The following FGF13 variants were observed in gnomAD, a reference collection of about 807,000 sequenced individuals.
The protein encoded by FGF13 is fibroblast growth factor homologous factor 2.
Under a neutral mutation model 19.5 loss-of-function variants are expected in FGF13, and 2 were observed. The ratio of observed to expected loss-of-function variants is 0.10; its 90% CI spans 0.04 to 0.32. FGF13 has a LOEUF of 0.32. FGF13 is among the 10% of genes least tolerant of loss of function. The pLI is 1.00. For missense variants in FGF13, 113 were observed against 192.7 expected (o/e 0.59, Z 2.45); for synonymous variants, 72 against 76.9 (o/e 0.94, Z 0.33).
chrX:138,636,929 T>C lies in FGF13; in HGVS notation c.403-1274A>G, dbSNP rs189469044. Reference sequence around the variant, plus strand: ...TCAGTCACTTCAGCAAAGAGGGATATATTCCTCAGGCAAGGCAGCTTTTCT... The same window carrying C: ...TCAGTCACTTCAGCAAAGAGGGATACATTCCTCAGGCAAGGCAGCTTTTCT... On this transcript the variant is annotated intron_variant, in intron 3 of 4. Coordinates refer to ENST00000315930, the MANE Select transcript of FGF13 (RefSeq NM_004114.5). 3.6e-5 allele frequency among the ~76,000 whole-genome samples: 4 copies of C among 111,906 alleles called. No individual in the cohort carries two copies. In the East Asian group the frequency reaches 1.1e-3, roughly 32 times the overall value.
At position 138,625,331 on chromosome X, in the gene FGF13, A is replaced by G. The variant is rs752075341; in HGVS notation, c.*7519T>C. On this transcript the variant is annotated 3_prime_UTR_variant, in exon 5 of 5. Coordinates refer to ENST00000315930, the MANE Select transcript of FGF13 (RefSeq NM_004114.5). ...ATTCCCACTTCTGGTTATATATCCA[A>G]AGGAAATTAAATCAGTATGCCAAAC... is the stretch of plus-strand genomic sequence containing the variant. The G allele has an allele frequency of 9.8e-4, 105 of 107,572 alleles. 2 individuals are homozygous for G. The highest frequency in any genetic ancestry group is 3.5e-3 in the African/African-American group (103 of 29,684). 8.9% of individuals were successfully genotyped at this position (107,572 alleles called of 1,213,427 possible). A position where few individuals can be genotyped will look rare whatever the true frequency, so the allele number is the denominator to read the frequency against.
intron 3 of FGF13, among the ~76,000 whole-genome samples, chrX:138,842,701 C>T (rs1467129462): frequency 9.0e-6 from 1 of 110,712 alleles, no homozygotes; most frequent in African/African-American, 3.3e-5. Flanking sequence ...TTTGAGTTGT[C>T]ACAACTAGGA....
At chrX:138,905,695 C>T (rs1410972753) in intron 1 of FGF13, among the ~76,000 whole-genome samples, 1 of 112,334 alleles carries the variant, frequency 8.9e-6, no homozygotes, top group East Asian at 2.8e-4. Flanking sequence ...CCAGGAAGCC[C>T]TGACATGCTC....
intron 1 of FGF13, among the ~76,000 whole-genome samples, chrX:138,895,997 GA>G (rs1385603654): frequency 8.9e-6 from 1 of 111,983 alleles, no homozygotes; most frequent in East Asian, 2.8e-4. Context: ...GTTGGGGATG[GA>G]AGAAGGTCTT....
intron 3 of FGF13, among the ~76,000 whole-genome samples, chrX:138,836,115 A>AT (rs974447058): frequency 1.8e-5 from 2 of 110,603 alleles, no homozygotes; most frequent in African/African-American, 3.3e-5. Flanking sequence ...TGCCTGTAAC[A>AT]TTTTTTCTTT....
chrX:138,887,571 C>T (rs1177528806), intron 1 of FGF13, among the ~76,000 whole-genome samples: 1 of 111,470 alleles, frequency 9.0e-6, no homozygotes, highest in Non-Finnish European at 1.9e-5. Context: ...GATAAACTCC[C>T]GCTACTTCCC....
chrX:139,017,474 AT>A (rs760092610), intron 1 of FGF13, among the ~76,000 whole-genome samples: 24 of 110,229 alleles, frequency 2.2e-4, no homozygotes, highest in Non-Finnish European at 4.0e-4. Context: ...AATGGAGACA[AT>A]AGAAATGGGT....
At chrX:139,075,542 T>A (rs967531973) in intron 1 of FGF13, among the ~76,000 whole-genome samples, 7 of 111,928 alleles carry the variant, frequency 6.3e-5, no homozygotes, top group Non-Finnish European at 1.3e-4. Flanking sequence ...ACTTGCCTTG[T>A]CCACACCTCA....
intron 1 of FGF13, among the ~76,000 whole-genome samples, chrX:138,988,822 G>A (rs1011138222): frequency 7.1e-5 from 8 of 112,023 alleles, no homozygotes; most frequent in Admixed American, 6.6e-4. Context: ...GCACACCATT[G>A]CACCATTCTG....
intron 1 of FGF13, among the ~76,000 whole-genome samples, chrX:139,153,456 C>A (rs2083951767): frequency 1.8e-5 from 2 of 111,299 alleles, no homozygotes; most frequent in African/African-American, 6.5e-5. Context: ...CCCCTCTCCC[C>A]TAGACCTCAG....
At chrX:138,939,477 CTG>C (rs1406935794) in intron 1 of FGF13, among the ~76,000 whole-genome samples, 2 of 111,538 alleles carry the variant, frequency 1.8e-5, no homozygotes, top group African/African-American at 6.5e-5. Flanking sequence ...TACAGGTAAA[CTG>C]TGTGTCGGGA....
At chrX:139,196,452 C>T (rs2084372931) in intron 1 of FGF13, among the ~76,000 whole-genome samples, 1 of 111,356 alleles carries the variant, frequency 9.0e-6, no homozygotes, top group South Asian at 3.8e-4. Flanking sequence ...AAGGGTACCC[C>T]GGCACAGCAC....
chrX:138,874,215 A>T (rs867844351), intron 1 of FGF13, among the ~76,000 whole-genome samples: 4 of 107,062 alleles, frequency 3.7e-5, no homozygotes, highest in African/African-American at 1.4e-4. Context: ...CCCAATTCTC[A>T]TACTAAGGAC....
At position 138,635,531 on chromosome X, in the gene FGF13, T is replaced by C. The variant is rs2089173591; in HGVS notation, c.527A>G (p.Glu176Gly). The C allele has an allele frequency of 1.7e-6, 2 of 1,211,611 alleles. No individual in the cohort carries two copies. Among genetic ancestry groups the C allele is most frequent in the Admixed American group, 2.2e-5 (1 of 46,017 alleles). ...GRGWYLGLNK[E>G]GEIMKGNHVK... is the part of the protein sequence containing the mutation. ...ATGGTTGCCTTTCATGATCTCTCCT[T>C]CTTTGTTCAGACCCAGATACCACCC... Residue 176 changes from glutamate (E) to glycine (G), a missense_variant, in exon 4 of 5, where the codon GAA becomes GGA. By Grantham distance (98) the Glu-to-Gly change is moderately conservative. Coordinates refer to ENST00000315930, the MANE Select transcript of FGF13 (RefSeq NM_004114.5).
At chrX:139,204,040 A>C, upstream of FGF13, 3 of 1,206,847 alleles carry the variant, frequency 2.5e-6, no homozygotes, top group Non-Finnish European at 3.4e-6. Context: ...AAGCAGGCGG[A>C]CTCGGCGGGC....
At chrX:138,649,850 C>G (rs774383989) in intron 3 of FGF13, among the ~76,000 whole-genome samples, 1 of 112,413 alleles carries the variant, frequency 8.9e-6, no homozygotes, top group South Asian at 3.7e-4. Context: ...TGAACAACAT[C>G]TTCACATAAT....
In FGF13 at chrX:138,674,901, G is replaced by A. The variant is rs776424373; in HGVS notation, c.402+28083C>T. 1.1e-4 allele frequency among the ~76,000 whole-genome samples: 12 copies of A among 111,558 alleles called. No homozygotes were observed. In the South Asian group the frequency reaches 4.6e-3, roughly 43 times the overall value. ...AAGATTTATAGCAAGAGTAATGCTG[G>A]AGGGTGTGACAAAATTGTCAAGGGC... On this transcript the variant is annotated intron_variant, in intron 3 of 4. Coordinates refer to ENST00000315930, the MANE Select transcript of FGF13 (RefSeq NM_004114.5).
chrX:138,872,748 C>T (rs1296301103), intron 1 of FGF13, among the ~76,000 whole-genome samples: 2 of 112,107 alleles, frequency 1.8e-5, no homozygotes, highest in Admixed American at 9.5e-5. Context: ...GGTAGACTGA[C>T]TGGTGAGGTT....
At chrX:138,800,985 C>G (rs1402443318) in intron 3 of FGF13, among the ~76,000 whole-genome samples, 1 of 112,026 alleles carries the variant, frequency 8.9e-6, no homozygotes, top group Non-Finnish European at 1.9e-5. Flanking sequence ...GTTCCTGTAA[C>G]CTTTTATCAA....
Sources: gnomAD v4.1 joint callset for allele counts (sites outside exome capture counted in the v4.1 genomes callset) on GRCh38, gnomAD v4.1.1 for gene constraint, MANE v1.5 for transcripts, NCBI Gene and HGNC (gene_info 2026-07-23, HGNC 2026-07-21) for gene names.